Variants in FRY observed in about 807,000 individuals in gnomAD.
FRY encodes FRY microtubule binding protein.
In FRY, 128 loss-of-function variants were observed where a neutral mutation model predicts 348.4. That is an observed-to-expected ratio of 0.37 (90% CI 0.32 to 0.43). FRY has a LOEUF of 0.43. Among genes scored for constraint, FRY ranks in the 20% least tolerant of loss-of-function variants. The pLI, the probability that FRY is intolerant of heterozygous loss-of-function variation, is 1.00. For synonymous variants in FRY, 1,370 were observed against 1,374.7 expected (o/e 1.00, Z 0.08); for missense variants, 2,736 against 3,695.2 (o/e 0.74, Z 6.73).
At chr13:32,161,049 G>T in intron 16 of FRY, 95 bp from the exon 17 acceptor site, 1 of 827,874 alleles carries the variant, frequency 1.2e-6, no homozygotes. Flanking sequence ...GACTCAGAAG[G>T]CATGGATTCT....
intron 1 of FRY, among the ~76,000 whole-genome samples, chr13:32,067,245 C>T (rs1874315135): frequency 6.6e-6 from 1 of 152,190 alleles, no homozygotes; most frequent in African/African-American, 2.4e-5. Context: ...CCTTTAAGAC[C>T]TGGGTCAAAT....
chr13:32,183,879 G>A (rs1461961825), intron 24 of FRY, among the ~76,000 whole-genome samples: 1 of 151,706 alleles, frequency 6.6e-6, no homozygotes, highest in Admixed American at 6.6e-5. Context: ...GCTCATGCCT[G>A]TAATCCCAGC....
At chr13:32,105,537 G>C (rs1877480415) in intron 3 of FRY, among the ~76,000 whole-genome samples, 1 of 152,188 alleles carries the variant, frequency 6.6e-6, no homozygotes, top group Admixed American at 6.5e-5. Context: ...TTAGTCCTTT[G>C]GCATTAAACA....
chr13:32,147,423 C>A, intron 12 of FRY, 38 bp downstream of exon 12: 1 of 1,086,510 alleles, frequency 9.2e-7, no homozygotes, highest in Non-Finnish European at 1.4e-6. Flanking sequence ...CCATATCACT[C>A]AGCCACTGCA....
At chr13:32,293,851 C>T (rs925309473) in intron 59 of FRY, among the ~76,000 whole-genome samples, 2 of 152,214 alleles carry the variant, frequency 1.3e-5, no homozygotes, top group Non-Finnish European at 2.9e-5. Flanking sequence ...GTCACAATTA[C>T]ATTAATTGAG....
In FRY at chr13:32,079,166, G is replaced by A. The variant is rs75678839; in HGVS notation, c.270+133G>A. 1.2e-3 allele frequency: 911 copies of A among 757,184 alleles called. 3 individuals carry two copies. The African/African-American group carries it at 0.013, about 11-fold the overall frequency. 46.9% of individuals were successfully genotyped at this position (757,184 alleles called of 1,614,324 possible). On this transcript the variant is annotated intron_variant, in intron 2 of 60. Coordinates refer to ENST00000542859, the MANE Select transcript of FRY (RefSeq NM_023037.3). ...AAGGTTCTTTAATATCATAGGTAAT[G>A]TTTTAAAGATAATAGTTAGGTTCCC...
intron 33 of FRY, among the ~76,000 whole-genome samples, chr13:32,210,029 A>T (rs1168403139): frequency 6.6e-6 from 1 of 152,180 alleles, no homozygotes; most frequent in African/African-American, 2.4e-5. Context: ...TTCTATAAAC[A>T]TTGGACCTAC....
At chr13:32,258,589 G>A (rs543623186) in intron 51 of FRY, among the ~76,000 whole-genome samples, 51 of 150,168 alleles carry the variant, frequency 3.4e-4, no homozygotes, top group Admixed American at 6.0e-4. Flanking sequence ...CTCCAGCCTG[G>A]GTAACAGAGC....
chr13:32,287,035 C>T (rs1282367697), intron 58 of FRY, among the ~76,000 whole-genome samples: 3 of 150,866 alleles, frequency 2.0e-5, no homozygotes, highest in Non-Finnish European at 4.4e-5. Context: ...CGTGGTGGCA[C>T]GCGCTTGTAA....
In FRY at chr13:32,182,880, A is replaced by C. The variant is rs924293068; in HGVS notation, c.2997-97A>C. 2.0e-5 allele frequency: 16 copies of C among 784,792 alleles called. No homozygotes were observed. In the African/African-American group the frequency reaches 2.6e-4, roughly 13 times the overall value. The allele number at this position is 784,792 out of a possible 1,614,324, so 48.6% of individuals were successfully genotyped here. A position where few individuals can be genotyped will look rare whatever the true frequency, so the allele number is the denominator to read the frequency against. On this transcript the variant is annotated intron_variant, in intron 23 of 60. Transcript: ENST00000542859. ...TTGTGATGTCAGAAGCAAAGTGTAA[A>C]AAGCAAGTGATTTGGGATTAAATGG... is the stretch of plus-strand genomic sequence containing the variant.
chr13:32,239,955 A>G lies in FRY; in HGVS notation c.6687+74A>G. 3 of 1,335,344 alleles carry G rather than the reference A, an allele frequency of 2.2e-6. No individual in the cohort carries two copies. The highest frequency in any genetic ancestry group is 1.9e-4 in the Middle Eastern group (1 of 5,232). The allele number at this position is 1,335,344 out of a possible 1,614,324, so 82.7% of individuals were successfully genotyped here. A position where few individuals can be genotyped will look rare whatever the true frequency, so the allele number is the denominator to read the frequency against. ...CAGGCTGATCTCAACTCTTGGGCTC[A>G]AGCAGTCCTCCTGCCTTCGCCTCCC... On this transcript the variant is annotated intron_variant, in intron 46 of 60. Coordinates refer to ENST00000542859, the MANE Select transcript of FRY (RefSeq NM_023037.3). The surrounding 1 kb of genome is among the most constrained non-coding windows in gnomAD (Gnocchi z 4.3).
intron 17 of FRY, among the ~76,000 whole-genome samples, chr13:32,168,633 A>G (rs1396466545): frequency 6.6e-6 from 1 of 152,250 alleles, no homozygotes; most frequent in Non-Finnish European, 1.5e-5. Flanking sequence ...TTCAGCAACT[A>G]CTGAAGAACT....
intron 57 of FRY, among the ~76,000 whole-genome samples, chr13:32,277,289 C>T (rs907764580): frequency 6.6e-6 from 1 of 152,210 alleles, no homozygotes; most frequent in East Asian, 1.9e-4. Flanking sequence ...AGTGACTTGC[C>T]GTCTCTCATC....
At chr13:32,190,165 C>T (rs1008431227) in intron 28 of FRY, among the ~76,000 whole-genome samples, 17 of 150,960 alleles carry the variant, frequency 1.1e-4, no homozygotes, top group African/African-American at 3.9e-4. Flanking sequence ...ACAAAAGGCA[C>T]CTTGAAAAAA....
At chr13:32,262,644 T>C (rs1275299959) in intron 53 of FRY, among the ~76,000 whole-genome samples, 169 bp downstream of exon 53, 2 of 152,212 alleles carry the variant, frequency 1.3e-5, no homozygotes, top group African/African-American at 4.8e-5. Flanking sequence ...AGCCTATGTT[T>C]TGAAGTTGTT....
At position 32,178,401 on chromosome 13, in the gene FRY, T is replaced by C; in HGVS notation, c.2646T>C (p.Thr882=). 6.2e-7 allele frequency: 1 copy of C among 1,614,152 alleles called. No individual in the cohort carries two copies. Among genetic ancestry groups the C allele is most frequent in the Non-Finnish European group, 8.5e-7 (1 of 1,180,010 alleles). The change falls in exon 21 of 61, where the codon ACT becomes ACC. Residue 882 remains threonine, a synonymous_variant. Coordinates refer to ENST00000542859, the MANE Select transcript of FRY (RefSeq NM_023037.3). ...ALSYAWPYAF[T]RLQSVMPLVD... is the part of the protein sequence containing the mutation. ...GCTATGCCTGGCCTTATGCCTTCAC[T>C]CGGCTCCAGTCGGTGATGCCTCTGG...
At chr13:32,127,503 T>A (rs200416788) in intron 7 of FRY, among the ~76,000 whole-genome samples, 1 of 152,096 alleles carries the variant, frequency 6.6e-6, no homozygotes, top group South Asian at 2.1e-4. Context: ...AAAGTCTGAG[T>A]GCGGTGGCTC....
At position 32,209,444 on chromosome 13, in the gene FRY, G is replaced by A. The variant is rs190630802; in HGVS notation, c.4276-141G>A. 5.1e-4 allele frequency: 415 copies of A among 812,690 alleles called. No homozygotes were observed. The African/African-American group carries it at 6.3e-3, about 12-fold the overall frequency. 50.3% of individuals were successfully genotyped at this position (812,690 alleles called of 1,614,324 possible). On this transcript the variant is annotated intron_variant, in intron 32 of 60. Transcript: ENST00000542859. ...TATTAACTACTGTTTACTGAAAGATGGCATCTTTCTGATAAATGGTCATGT... is the reference window on the plus strand; with the variant it reads ...TATTAACTACTGTTTACTGAAAGATAGCATCTTTCTGATAAATGGTCATGT...
At chr13:32,135,275 A>T in intron 10 of FRY, 92 bp downstream of exon 10, 1 of 809,830 alleles carries the variant, frequency 1.2e-6, no homozygotes, top group Non-Finnish European at 2.1e-6. Flanking sequence ...TAAGGACTCC[A>T]CAGATAGGAA....
Sources: gnomAD v4.1 joint callset for allele counts (sites outside exome capture counted in the v4.1 genomes callset) on GRCh38, gnomAD v4.1.1 for gene constraint, Gnocchi (gnomAD v3.1) non-coding constraint, MANE v1.5 for transcripts, NCBI Gene and HGNC (gene_info 2026-07-23, HGNC 2026-07-21) for gene names.